Variants in OVCH1 observed in about 807,000 individuals in gnomAD.
The protein encoded by OVCH1 is ovochymase 1.
OVCH1 carries 139 observed loss-of-function variants against 138.4 expected under a neutral mutation model. The ratio of observed to expected loss-of-function variants is 1.00; its 90% confidence interval spans 0.87 to 1.16. The LOEUF (loss-of-function observed/expected upper bound fraction) is 1.16. OVCH1 is among the 50% of genes most tolerant of loss of function. OVCH1 has a pLI of 0.00. For synonymous variants in OVCH1, 453 were observed against 467.8 expected, an observed-to-expected ratio of 0.97 and a Z score of 0.41; for missense variants, 1,367 against 1,357.9, an observed-to-expected ratio of 1.01 and a Z score of -0.11.
At chr12:29,451,611 A>G in intron 21 of OVCH1, 42 bp from the exon 22 acceptor site, 1 of 1,484,400 alleles carries the variant, frequency 6.7e-7, no homozygotes, top group Non-Finnish European at 9.1e-7. Context: ...CAACATAAAT[A>G]AAGCAAAGAA....
At chr12:29,486,182 C>G (rs908532108) in intron 8 of OVCH1, 68 bp downstream of exon 8, 1 of 1,384,404 alleles carries the variant, frequency 7.2e-7, no homozygotes, top group African/African-American at 1.4e-5. Context: ...TGGTACAATC[C>G]TCCTGTTTGC....
chr12:29,417,460 CAAAAAA>C (rs759067203), intron 3 of OVCH1, among the ~76,000 whole-genome samples: 4 of 60,742 alleles, frequency 6.6e-5, no homozygotes, highest in Non-Finnish European at 8.3e-5. Flanking sequence ...CACTCCGTCT[CAAAAAA>C]AAAAAAAAAA....
chr12:29,443,098 T>C (rs894488874), intron 25 of OVCH1, among the ~76,000 whole-genome samples: 3 of 152,124 alleles, frequency 2.0e-5, no homozygotes, highest in African/African-American at 7.2e-5. Flanking sequence ...CATTCATTCT[T>C]TATTTTTAGT....
rs899677104 is a variant in OVCH1 at position 29,442,390 on chromosome 12, C to T, written c.3157+971G>A. On this transcript the variant is annotated intron_variant, in intron 25 of 27. Transcript: ENST00000318184. ...CTCAAGAACAAAAAACCAAACACCGCATATTCTCACTCTTAGGTGGGAACT... is the reference window on the plus strand; with the variant it reads ...CTCAAGAACAAAAAACCAAACACCGTATATTCTCACTCTTAGGTGGGAACT... Among the ~76,000 whole-genome samples, 49 of 133,900 alleles carry T rather than the reference C, an allele frequency of 3.7e-4. 1 individual carries two copies. Among genetic ancestry groups the T allele is most frequent in the East Asian group, 9.0e-4 (4 of 4,442 alleles). The allele number at this position is 133,900 out of a possible 152,430, so 87.8% of individuals were successfully genotyped here. A position where few individuals can be genotyped will look rare whatever the true frequency, so the allele number is the denominator to read the frequency against.
At chr12:29,413,421 T>C (rs559472891) in intron 3 of OVCH1, among the ~76,000 whole-genome samples, 2 of 152,292 alleles carry the variant, frequency 1.3e-5, no homozygotes, top group African/African-American at 4.8e-5. Context: ...GTGGAGAAAA[T>C]ATAACTCTCT....
chr12:29,464,636 C>G, exon 18 of OVCH1: 3 of 1,613,544 alleles, frequency 1.9e-6, no homozygotes, highest in Non-Finnish European at 2.5e-6. Flanking sequence ...TGTATTAGGG[C>G]AATGTCAGAG....
chr12:29,438,684 G>T (rs979030718), intron 26 of OVCH1, among the ~76,000 whole-genome samples: 8 of 152,016 alleles, frequency 5.3e-5, no homozygotes, highest in Admixed American at 5.2e-4. Flanking sequence ...CCTAGTTATT[G>T]TATGGCTTTT....
In OVCH1 at chr12:29,478,633, C is replaced by T. The variant is rs74954146; in HGVS notation, c.1069+202G>A. Among the ~76,000 whole-genome samples the T allele has an allele frequency of 1.7e-3, 263 of 152,130 alleles. 12 individuals are homozygous for T. The East Asian group carries it at 0.046, about 27-fold the overall frequency. The stretch of plus-strand genomic sequence containing the variant: ...AAGTCTGTAAGATAAGATCATTGCC[C>T]TTGGTAGAATAAAAGAAATTTTATT... On this transcript the variant is annotated intron_variant, in intron 9 of 27. Transcript: ENST00000318184.
At chr12:29,459,347 C>T (rs988249900) in intron 19 of OVCH1, among the ~76,000 whole-genome samples, 1 of 152,092 alleles carries the variant, frequency 6.6e-6, no homozygotes. Context: ...GTGTATGGAG[C>T]TGGAGGTCAT....
intron 27 of OVCH1, among the ~76,000 whole-genome samples, chr12:29,429,292 G>A (rs1213219327): frequency 1.3e-5 from 2 of 152,164 alleles, no homozygotes; most frequent in Non-Finnish European, 2.9e-5. Context: ...GGTTAAATGA[G>A]ATAGGAATTT....
intron 3 of OVCH1, among the ~76,000 whole-genome samples, chr12:29,420,129 G>C (rs1941082590): frequency 6.6e-6 from 1 of 152,144 alleles, no homozygotes; most frequent in Non-Finnish European, 1.5e-5. Flanking sequence ...AGAAATATCA[G>C]AATTTTAGTA....
At chr12:29,471,810 A>C (rs1203062881) in exon 16 of OVCH1, 1 of 1,609,796 alleles carries the variant, frequency 6.2e-7, no homozygotes, top group Non-Finnish European at 8.5e-7. Context: ...ACAATTGCAC[A>C]CAGTGGGCTG....
intron 6 of OVCH1, among the ~76,000 whole-genome samples, chr12:29,489,012 A>T (rs1943201024): frequency 6.6e-6 from 1 of 152,192 alleles, no homozygotes; most frequent in South Asian, 2.1e-4. Context: ...TTTGGCCAAG[A>T]ATAATGACTC....
chr12:29,449,276 T>TACACAC (rs10651165), intron 22 of OVCH1, among the ~76,000 whole-genome samples: 1,563 of 137,418 alleles, frequency 0.011, 17 homozygotes, highest in African/African-American at 0.018. Flanking sequence ...CCCCCCTCCC[T>TACACAC]ACACACACAC....
At chr12:29,449,764 T>C (rs1431917712) in intron 22 of OVCH1, among the ~76,000 whole-genome samples, 1 of 152,150 alleles carries the variant, frequency 6.6e-6, no homozygotes, top group Non-Finnish European at 1.5e-5. Flanking sequence ...TTTCAAACTA[T>C]ACTGCAAGGC....
chr12:29,446,391 G>C (rs1166806092), intron 22 of OVCH1, among the ~76,000 whole-genome samples: 5 of 152,092 alleles, frequency 3.3e-5, no homozygotes, highest in African/African-American at 1.2e-4. Flanking sequence ...AAATAGAAGT[G>C]AATGTAACTT....
downstream of OVCH1, among the ~76,000 whole-genome samples, chr12:29,410,450 GT>G (rs1433205027): frequency 6.6e-6 from 1 of 151,074 alleles, no homozygotes; most frequent in Non-Finnish European, 1.5e-5. Flanking sequence ...GCTGATACCG[GT>G]TGTTCCTTTC....
chr12:29,477,269 A>T (rs745840216), intron 11 of OVCH1, 37 bp from the exon 12 acceptor site: 1 of 1,613,062 alleles, frequency 6.2e-7, no homozygotes, highest in Non-Finnish European at 8.5e-7. Flanking sequence ...GTGAATGGCC[A>T]AAGACATTTT....
At chr12:29,444,473 A>G (rs1220992069) in intron 23 of OVCH1, among the ~76,000 whole-genome samples, 193 bp from the exon 24 acceptor site, 2 of 152,098 alleles carry the variant, frequency 1.3e-5, no homozygotes, top group Admixed American at 6.6e-5. Flanking sequence ...AAACAAACAC[A>G]TCTCTCAGAT....
Sources: allele counts gnomAD v4.1 joint callset (sites outside exome capture counted in the v4.1 genomes callset), GRCh38; gene constraint gnomAD v4.1.1; transcripts MANE v1.5; gene names NCBI Gene and HGNC (gene_info 2026-07-23, HGNC 2026-07-21).